The following WTIP variants were observed in gnomAD, a reference collection of about 807,000 sequenced individuals.
WTIP encodes the protein WT1 interacting protein.
In WTIP, 23 loss-of-function variants were observed where a neutral mutation model predicts 41.7. The observed-to-expected ratio is 0.55, with a 90% confidence interval of 0.40 to 0.78. The LOEUF (loss-of-function observed/expected upper bound fraction) is 0.78, where lower values mean the gene tolerates loss of function less well. Among genes scored for constraint, WTIP ranks in the 30% least tolerant of loss-of-function variants. The pLI is 0.00. For missense variants in WTIP, 619 were observed against 610.5 expected, an observed-to-expected ratio of 1.01 and a Z score of -0.15; for synonymous variants, 314 against 269.9, an observed-to-expected ratio of 1.16 and a Z score of -1.60.
chr19:34,500,139 TGCAGCTGA>T lies in WTIP; in HGVS notation c.1166_1173del (p.Gln389ArgfsTer38). ...TGTGTTCTTCCCTAGGACTGCGGGC[TGCAGCTGA>T]GCGGGGAGGAGGGACGCCGTTGCTA... On this transcript the variant is annotated frameshift_variant, in exon 8 of 8. Coordinates refer to ENST00000590071, the MANE Select transcript of WTIP (RefSeq NM_001080436.2). LOFTEE classifies it high-confidence loss of function. 2 of 1,600,192 alleles carry T rather than the reference TGCAGCTGA, an allele frequency of 1.2e-6. No homozygotes were observed. Among genetic ancestry groups the T allele is most frequent in the Non-Finnish European group, 1.7e-6 (2 of 1,179,756 alleles).
chr19:34,511,445 A>G lies in WTIP; in HGVS notation c.*11176A>G, dbSNP rs1223253489. The G allele has an allele frequency of 1.3e-5, 2 of 152,106 alleles. No homozygotes were observed. The highest frequency in any genetic ancestry group is 1.3e-4 in the Admixed American group (2 of 15,278). The allele number at this position is 152,106 out of a possible 1,614,324, so 9.4% of individuals were successfully genotyped here. On this transcript the variant is annotated 3_prime_UTR_variant, in exon 8 of 8. Coordinates refer to ENST00000590071, the MANE Select transcript of WTIP (RefSeq NM_001080436.2). The stretch of plus-strand genomic sequence containing the variant: ...GAGATTTCGGTGGGGACACAGAGCC[A>G]AACCGTATCAGACCCCGTCTCTACA...
intron 7 of WTIP, among the ~76,000 whole-genome samples, chr19:34,499,271 G>C (rs1004980790): frequency 1.3e-5 from 2 of 151,900 alleles, no homozygotes; most frequent in Admixed American, 6.6e-5. Flanking sequence ...AGCATTTTGG[G>C]AGGCCGAGGT....
intron 1 of WTIP, among the ~76,000 whole-genome samples, chr19:34,486,450 C>T (rs1599952669): frequency 1.3e-5 from 2 of 151,916 alleles, no homozygotes; most frequent in Admixed American, 1.3e-4. Context: ...TCACCGCAAC[C>T]TCCGCCTCCC....
intron 7 of WTIP, among the ~76,000 whole-genome samples, chr19:34,499,335 C>T (rs1256034236): frequency 6.6e-6 from 1 of 151,866 alleles, no homozygotes; most frequent in African/African-American, 2.4e-5. Flanking sequence ...CATGAAACCC[C>T]ATCACTACAA....
rs776627230 is a variant in WTIP, at chr19:34,493,318, T to C, written c.893T>C (p.Met298Thr). The stretch of plus-strand genomic sequence containing the variant: ...TGCAGCGTGTGTGGACATCTCATCA[T>C]GGAAATGGTGAGCCCCTGCCCCAGC... Reference protein sequence around the residue: ...DKCSVCGHLIMEMILQALGKS... With the variant: ...DKCSVCGHLITEMILQALGKS... Residue 298 changes from methionine (M) to threonine (T), a missense_variant, in exon 4 of 8, where the codon ATG becomes ACG. By Grantham distance (81) the Met-to-Thr change is moderately conservative. This residue lies in a region of WTIP where 164 missense variants were observed against 219.1 expected (regional missense o/e 0.75). Transcript: ENST00000590071. This position sits in a 1 kb window ranked among gnomAD's most constrained non-coding sequence, Gnocchi z 4.1. 1 of 1,612,734 alleles carries C rather than the reference T, an allele frequency of 6.2e-7. No homozygotes were observed. The highest frequency in any genetic ancestry group is 8.5e-7 in the Non-Finnish European group (1 of 1,179,558).
rs2075768900 is a variant in WTIP, at chr19:34,481,985, C to T, written c.11C>T (p.Ser4Phe). 2 of 1,009,888 alleles carry T rather than the reference C, an allele frequency of 2.0e-6. No individual in the cohort carries two copies. Among genetic ancestry groups the T allele is most frequent in the South Asian group, 4.5e-5 (1 of 22,392 alleles). The allele number at this position is 1,009,888 out of a possible 1,614,324, so 62.6% of individuals were successfully genotyped here. The change falls in exon 1 of 8, where the codon TCC (serine) becomes TTC (phenylalanine). Residue 4 changes from serine (S) to phenylalanine (F), a missense_variant. Physicochemically the swap from Ser to Phe is radical, Grantham distance 155. Transcript: ENST00000590071. Reference protein sequence around the residue: MQRSRAGADEAALL... With the variant: MQRFRAGADEAALL... ...CCGGCGGGCCGGGCCATGCAGCGCT[C>T]CAGGGCGGGCGCGGACGAGGCGGCC... is the stretch of plus-strand genomic sequence containing the variant.
intron 7 of WTIP, among the ~76,000 whole-genome samples, chr19:34,496,449 C>T (rs140016407): frequency 1.5e-3 from 222 of 152,110 alleles, no homozygotes; most frequent in African/African-American, 5.1e-3. Context: ...GGGACTGCAA[C>T]GTGAGTCACC....
At position 34,501,134 on chromosome 19, in the gene WTIP, A is replaced by G. The variant is rs950014602; in HGVS notation, c.*865A>G. 5.9e-5 allele frequency: 9 copies of G among 152,620 alleles called. No homozygotes were observed. The highest frequency in any genetic ancestry group is 2.6e-4 in the Admixed American group (4 of 15,282). 9.5% of individuals were successfully genotyped at this position (152,620 alleles called of 1,614,324 possible). Reference sequence around the variant, plus strand: ...TAAATTAAGTTTTTCCCTTGAGGATATTTTCATTTTCTTTAAAAGAATATA... The same window carrying G: ...TAAATTAAGTTTTTCCCTTGAGGATGTTTTCATTTTCTTTAAAAGAATATA... On this transcript the variant is annotated 3_prime_UTR_variant, in exon 8 of 8. Transcript: ENST00000590071.
chr19:34,492,688 CAA>C (rs35065558), intron 2 of WTIP, among the ~76,000 whole-genome samples: 52,856 of 111,058 alleles, frequency 0.48, 12,624 homozygotes, highest in Middle Eastern at 0.63. Context: ...TACTCTGTAT[CAA>C]AAAAAAAAAA....
rs1038539623 is a variant in WTIP at position 34,509,506 on chromosome 19, G to A, written c.*9237G>A. 1.3e-5 allele frequency: 2 copies of A among 152,214 alleles called. No individual in the cohort carries two copies. The highest frequency in any genetic ancestry group is 2.9e-5 in the Non-Finnish European group (2 of 68,048). The allele number at this position is 152,214 out of a possible 1,614,324, so 9.4% of individuals were successfully genotyped here. ...CCCTCCCACAAAATGTGGGAATTAA[G>A]GGAGTACAGTTCAAGATGAGATTTG... On this transcript the variant is annotated 3_prime_UTR_variant, in exon 8 of 8. Coordinates refer to ENST00000590071, the MANE Select transcript of WTIP (RefSeq NM_001080436.2).
rs1262719966 is a variant in WTIP at position 34,511,357 on chromosome 19, C to T, written c.*11088C>T. The T allele has an allele frequency of 6.6e-6, 1 of 151,994 alleles. No individual in the cohort carries two copies. Among genetic ancestry groups the T allele is most frequent in the Non-Finnish European group, 1.5e-5 (1 of 67,994 alleles). 9.4% of individuals were successfully genotyped at this position (151,994 alleles called of 1,614,324 possible). A position where few individuals can be genotyped will look rare whatever the true frequency, so the allele number is the denominator to read the frequency against. ...TATGGGGGAAACTGCCCCCATGATT[C>T]AAAATATTTCCCATTGGGTCCCTCC... On this transcript the variant is annotated 3_prime_UTR_variant, in exon 8 of 8. Coordinates refer to ENST00000590071, the MANE Select transcript of WTIP (RefSeq NM_001080436.2).
Position 34,511,188 on chromosome 19 carries a change from G to C in WTIP, c.*10919G>C, listed in dbSNP as rs2075931619. On this transcript the variant is annotated 3_prime_UTR_variant, in exon 8 of 8. Transcript: ENST00000590071. ...AAAAAGAGGTTTAATGGGACTTGTAGCTCCACATGGCTGGGAGGCCTCAGA... is the reference window on the plus strand; with the variant it reads ...AAAAAGAGGTTTAATGGGACTTGTACCTCCACATGGCTGGGAGGCCTCAGA... The C allele has an allele frequency of 6.6e-6, 1 of 152,286 alleles. No individual in the cohort carries two copies. Among genetic ancestry groups the C allele is most frequent in the Non-Finnish European group, 1.5e-5 (1 of 68,138 alleles). 9.4% of individuals were successfully genotyped at this position (152,286 alleles called of 1,614,324 possible).
At chr19:34,494,665 A>G (rs761391284) in intron 6 of WTIP, 28 bp downstream of exon 6, 10 of 1,609,710 alleles carry the variant, frequency 6.2e-6, no homozygotes, top group Admixed American at 1.7e-5. Context: ...AGAGATGATC[A>G]GGTGCCTGGC....
At position 34,500,165 on chromosome 19, in the gene WTIP, C is replaced by T. The variant is rs1001012108; in HGVS notation, c.1189C>T (p.Arg397Cys). 1 of 1,601,900 alleles carries T rather than the reference C, an allele frequency of 6.2e-7. No individual in the cohort carries two copies. Among genetic ancestry groups the T allele is most frequent in the Non-Finnish European group, 8.5e-7 (1 of 1,179,750 alleles). The change falls in exon 8 of 8, where the codon CGT becomes TGT. Residue 397 changes from arginine (R) to cysteine (C), a missense_variant. By Grantham distance (180) the Arg-to-Cys change is radical (BLOSUM62 -3). Transcript: ENST00000590071. ...GLQLSGEEGR[R>C]CYPLAGHLLC... The stretch of plus-strand genomic sequence containing the variant: ...GCAGCTGAGCGGGGAGGAGGGACGC[C>T]GTTGCTATCCCCTGGCGGGCCACCT...
Position 34,494,595 on chromosome 19 carries a change from A to G in WTIP, c.1041A>G (p.Ala347=), listed in dbSNP as rs2075843364. Residue 347 remains alanine, a synonymous_variant, in exon 6 of 8, where the codon GCA becomes GCG. Coordinates refer to ENST00000590071, the MANE Select transcript of WTIP (RefSeq NM_001080436.2). ...TCCTTTATTTCTCTAGGGTTTTTGC[A>G]CCAAAATGCGCCTCCTGTGCCCGTC... is the stretch of plus-strand genomic sequence containing the variant. ...YCVRDYHTVF[A]PKCASCARPI... The G allele has an allele frequency of 1.2e-6, 2 of 1,613,548 alleles. No individual in the cohort carries two copies.
In WTIP at chr19:34,503,365, C is replaced by G. The variant is rs1305622703; in HGVS notation, c.*3096C>G. 3 of 146,296 alleles carry G rather than the reference C, an allele frequency of 2.1e-5. No individual in the cohort carries two copies. The highest frequency in any genetic ancestry group is 7.6e-5 in the African/African-American group (3 of 39,260). The allele number at this position is 146,296 out of a possible 1,614,324, so 9.1% of individuals were successfully genotyped here. A position where few individuals can be genotyped will look rare whatever the true frequency, so the allele number is the denominator to read the frequency against. ...ACCTTGGCCTCTATGAAGTCAGGCCCCAGTTGTGACACCTCACTTGACACC... is the reference window on the plus strand; with the variant it reads ...ACCTTGGCCTCTATGAAGTCAGGCCGCAGTTGTGACACCTCACTTGACACC... On this transcript the variant is annotated 3_prime_UTR_variant, in exon 8 of 8. Coordinates refer to ENST00000590071, the MANE Select transcript of WTIP (RefSeq NM_001080436.2).
chr19:34,496,869 C>CT (rs566604766), intron 7 of WTIP, among the ~76,000 whole-genome samples: 42 of 139,586 alleles, frequency 3.0e-4, no homozygotes, highest in Middle Eastern at 3.6e-3. Context: ...TTCTCTGAAT[C>CT]TTTTTTTTTG....
rs147316531 is a variant in WTIP, at chr19:34,485,122, C to T, written c.667+2481C>T. On this transcript the variant is annotated intron_variant, in intron 1 of 7. Coordinates refer to ENST00000590071, the MANE Select transcript of WTIP (RefSeq NM_001080436.2). ...TTTTTGAGACGGAGTCTTGCTCTGT[C>T]GCCCAGGCTGGAGTGCAATGGTGCG... Among the ~76,000 whole-genome samples, 519 of 152,180 alleles carry T rather than the reference C, an allele frequency of 3.4e-3. 5 individuals carry two copies. The highest frequency in any genetic ancestry group is 0.012 in the African/African-American group (504 of 41,504).
At chr19:34,482,761 A>G in intron 1 of WTIP, 120 bp downstream of exon 1, 1 of 1,200,304 alleles carries the variant, frequency 8.3e-7, no homozygotes, top group Non-Finnish European at 1.0e-6. Flanking sequence ...GGGGTGCAGC[A>G]GTGCACGGGG....
Sources: gnomAD v4.1 joint callset for allele counts (sites outside exome capture counted in the v4.1 genomes callset) on GRCh38, gnomAD v4.1.1 for gene constraint, gnomAD v4.1.1 regional missense constraint, Gnocchi (gnomAD v3.1) non-coding constraint, MANE v1.5 for transcripts, NCBI Gene and HGNC (gene_info 2026-07-23, HGNC 2026-07-21) for gene names.